Variants in TBC1D14 observed in about 807,000 individuals in gnomAD.
TBC1D14 encodes TBC1 domain family member 14.
In TBC1D14, 26 loss-of-function variants were observed where a neutral mutation model predicts 79.0. The ratio of observed to expected loss-of-function variants is 0.33; its 90% CI spans 0.24 to 0.46. The LOEUF (loss-of-function observed/expected upper bound fraction) is 0.46. Ranked by LOEUF, TBC1D14 falls within the 20% of genes least tolerant of loss-of-function variation. The probability of loss-of-function intolerance (pLI) is 1.00; values close to 1 mark genes in which losing one functional copy is unlikely to be tolerated. For missense variants in TBC1D14, 769 were observed against 887.6 expected, an observed-to-expected ratio of 0.87 and a Z score of 1.70; for synonymous variants, 394 against 349.9, an observed-to-expected ratio of 1.13 and a Z score of -1.40.
At chr4:6,959,539 G>A (rs1367016478) in intron 2 of TBC1D14, among the ~76,000 whole-genome samples, 2 of 152,146 alleles carry the variant, frequency 1.3e-5, no homozygotes, top group Admixed American at 1.3e-4. Flanking sequence ...CCGCCTCTGG[G>A]AAGCACAGTG....
intron 2 of TBC1D14, chr4:6,954,273 C>A: frequency 4.2e-6 from 3 of 717,450 alleles, no homozygotes; most frequent in Non-Finnish European, 7.8e-6. Flanking sequence ...TGCAGCCGGC[C>A]CCTCGGAGCT....
At chr4:6,959,496 C>G (rs993519293) in intron 2 of TBC1D14, among the ~76,000 whole-genome samples, 1 of 152,108 alleles carries the variant, frequency 6.6e-6, no homozygotes, top group African/African-American at 2.4e-5. Context: ...CCTGCAGGCT[C>G]ACAGCCGGCT....
At position 6,974,387 on chromosome 4, in the gene TBC1D14, G is replaced by C. The variant is rs73088550; in HGVS notation, c.843+6963G>C. Among the ~76,000 whole-genome samples the C allele has an allele frequency of 6.6e-3, 1,012 of 152,294 alleles. 10 individuals carry two copies. Among genetic ancestry groups the C allele is most frequent in the African/African-American group, 0.023 (959 of 41,554 alleles). On this transcript the variant is annotated intron_variant, in intron 3 of 13. Transcript: ENST00000409757. ...GAGAACCAGAAAAGGGGAGACCCAGGAAACTAGAAAGTACTGGGGGGATTG... is the reference window on the plus strand; with the variant it reads ...GAGAACCAGAAAAGGGGAGACCCAGCAAACTAGAAAGTACTGGGGGGATTG...
At chr4:7,013,850 T>C (rs1721020596) in intron 11 of TBC1D14, among the ~76,000 whole-genome samples, 1 of 152,052 alleles carries the variant, frequency 6.6e-6, no homozygotes, top group Admixed American at 6.5e-5. Context: ...TTCACGCCAT[T>C]CTCCTGCCTC....
chr4:6,987,806 A>G (rs1376776829), intron 3 of TBC1D14, among the ~76,000 whole-genome samples: 1 of 152,230 alleles, frequency 6.6e-6, no homozygotes, highest in Admixed American at 6.5e-5. Flanking sequence ...TTGCAACAGC[A>G]ACCGGGCGTG....
chr4:6,985,667 G>T (rs4376137), intron 3 of TBC1D14, among the ~76,000 whole-genome samples: 147,793 of 152,316 alleles, frequency 0.97, 71,864 homozygotes, highest in Middle Eastern at 1. Flanking sequence ...TTACAGTATC[G>T]GGGCTTGAAT....
chr4:6,974,290 C>CT (rs1005628513), intron 3 of TBC1D14, among the ~76,000 whole-genome samples: 41 of 152,228 alleles, frequency 2.7e-4, no homozygotes, highest in African/African-American at 8.2e-4. Flanking sequence ...GTGAACCCCC[C>CT]GATGCTTTAT....
At chr4:6,930,766 C>G (rs1014933067) in intron 2 of TBC1D14, among the ~76,000 whole-genome samples, 4 of 149,536 alleles carry the variant, frequency 2.7e-5, no homozygotes, top group Admixed American at 1.3e-4. Context: ...CCATTGCACT[C>G]CAGGCTGGGC....
intron 2 of TBC1D14, among the ~76,000 whole-genome samples, chr4:6,925,330 G>A (rs1484425461): frequency 6.6e-6 from 1 of 152,188 alleles, no homozygotes; most frequent in Non-Finnish European, 1.5e-5. Flanking sequence ...GGAGGGCTCT[G>A]GGGCCGGGGC....
At chr4:6,995,163 G>A (rs1235698930) in intron 4 of TBC1D14, among the ~76,000 whole-genome samples, 1 of 152,206 alleles carries the variant, frequency 6.6e-6, no homozygotes, top group African/African-American at 2.4e-5. Flanking sequence ...GCTTCTGAAA[G>A]AGAGCACGAA....
chr4:6,994,198 G>A lies in TBC1D14; in HGVS notation c.858G>A (p.Lys286=), dbSNP rs767586774. ...SKRIQKEYED[K]AGRPSKPPSP... ...CTTTGTCCTAGGAATATGAAGACAAGGCTGGAAGACCTAGCAAGCCACCCT... is the reference window on the plus strand; with the variant it reads ...CTTTGTCCTAGGAATATGAAGACAAAGCTGGAAGACCTAGCAAGCCACCCT... Residue 286 remains lysine (K), a synonymous_variant, in exon 4 of 14, where the codon AAG becomes AAA. Transcript: ENST00000409757. 6 of 1,614,174 alleles carry A rather than the reference G, an allele frequency of 3.7e-6. No individual in the cohort carries two copies. Among genetic ancestry groups the A allele is most frequent in the Non-Finnish European group, 2.5e-6 (3 of 1,180,002 alleles).
intron 2 of TBC1D14, among the ~76,000 whole-genome samples, chr4:6,964,249 A>G (rs1315853667): frequency 2.0e-5 from 3 of 152,006 alleles, no homozygotes; most frequent in South Asian, 2.1e-4. Context: ...CTTGTGCTCA[A>G]CCTTCCAGAC....
At chr4:6,999,276 G>A (rs772249958) in intron 6 of TBC1D14, 74 bp downstream of exon 6, 90 of 1,329,718 alleles carry the variant, frequency 6.8e-5, no homozygotes, top group Admixed American at 5.5e-4. Context: ...AGCTGTAGTC[G>A]TCATAGCCAG....
chr4:6,957,528 T>C (rs1445786317), intron 2 of TBC1D14, among the ~76,000 whole-genome samples: 9 of 152,230 alleles, frequency 5.9e-5, no homozygotes, highest in African/African-American at 2.2e-4. Flanking sequence ...CCTTTACCCA[T>C]ATAGCGCTCG....
intron 7 of TBC1D14, among the ~76,000 whole-genome samples, chr4:7,003,698 G>T (rs1226480177): frequency 6.6e-6 from 1 of 152,162 alleles, no homozygotes; most frequent in Non-Finnish European, 1.5e-5. Flanking sequence ...AGCTGATCAG[G>T]AACATCAGAG....
chr4:6,927,751 A>G (rs34990775), intron 2 of TBC1D14, among the ~76,000 whole-genome samples: 13,884 of 152,284 alleles, frequency 0.091, 819 homozygotes, highest in Middle Eastern at 0.16. Flanking sequence ...TGTGAGAGCC[A>G]AAAATGTCTC....
chr4:6,991,554 T>C (rs1718489275), intron 3 of TBC1D14, among the ~76,000 whole-genome samples: 1 of 152,220 alleles, frequency 6.6e-6, no homozygotes, highest in Non-Finnish European at 1.5e-5. Flanking sequence ...TCAGGTAGCC[T>C]GCATCCCTGC....
chr4:7,002,720 T>C (rs141954948), intron 7 of TBC1D14, among the ~76,000 whole-genome samples: 34 of 152,316 alleles, frequency 2.2e-4, no homozygotes, highest in African/African-American at 7.9e-4. Context: ...CCTTAAGAAA[T>C]ACCTGCTGTG....
At position 6,989,914 on chromosome 4, in the gene TBC1D14, A is replaced by G. The variant is rs376917447; in HGVS notation, c.844-4270A>G. Among the ~76,000 whole-genome samples the G allele has an allele frequency of 9.8e-4, 149 of 152,258 alleles. 3 individuals carry two copies. In the South Asian group the frequency reaches 0.03, roughly 31 times the overall value. On this transcript the variant is annotated intron_variant, in intron 3 of 13. Coordinates refer to ENST00000409757, the MANE Select transcript of TBC1D14 (RefSeq NM_020773.3). ...CTCGTCTTTCCCAGCGTGATTCCTT[A>G]TAAGCTGCCCAGAGCAGGGACTTCG...
Sources: allele counts gnomAD v4.1 joint callset (sites outside exome capture counted in the v4.1 genomes callset), GRCh38; gene constraint gnomAD v4.1.1; transcripts MANE v1.5; gene names NCBI Gene and HGNC (gene_info 2026-07-23, HGNC 2026-07-21).